The following ARHGEF28 variants were observed in gnomAD, a reference collection of about 807,000 sequenced individuals.
ARHGEF28 encodes the protein Rho guanine nucleotide exchange factor 28, also known as 190 kDa guanine nucleotide exchange factor.
Under a neutral mutation model 206.6 loss-of-function variants are expected in ARHGEF28, and 152 were observed. That is an observed-to-expected ratio of 0.74 (90% CI 0.64 to 0.84). The LOEUF (loss-of-function observed/expected upper bound fraction) is 0.84, where lower values mean the gene tolerates loss of function less well. Among genes scored for constraint, ARHGEF28 ranks in the 40% least tolerant of loss-of-function variants. The probability of loss-of-function intolerance (pLI) is 0.00; values close to 1 mark genes in which losing one functional copy is unlikely to be tolerated. For missense variants in ARHGEF28, 2,028 were observed against 2,073.2 expected, an observed-to-expected ratio of 0.98 and a Z score of 0.42; for synonymous variants, 763 against 776.4, an observed-to-expected ratio of 0.98 and a Z score of 0.29.
intron 1 of ARHGEF28, among the ~76,000 whole-genome samples, chr5:73,664,683 C>G: frequency 6.6e-6 from 1 of 152,126 alleles, no homozygotes; most frequent in East Asian, 1.9e-4. Context: ...TCTTGGAGTT[C>G]TCCAAGTTTC....
At chr5:73,887,383 C>G in intron 25 of ARHGEF28, 1 of 365,762 alleles carries the variant, frequency 2.7e-6, no homozygotes. Context: ...CTACATTAAA[C>G]TTTGCTGGAG....
chr5:73,918,552 T>G (rs1307743323), intron 35 of ARHGEF28, among the ~76,000 whole-genome samples: 2 of 152,250 alleles, frequency 1.3e-5, no homozygotes, highest in Non-Finnish European at 2.9e-5. Flanking sequence ...TGATGGTTAC[T>G]GTCTCTGTAA....
At chr5:73,677,786 C>T (rs1212949974) in intron 1 of ARHGEF28, among the ~76,000 whole-genome samples, 2 of 152,186 alleles carry the variant, frequency 1.3e-5, no homozygotes, top group Non-Finnish European at 2.9e-5. Context: ...TGGTGTCTGC[C>T]AGCAAATGTT....
At chr5:73,773,609 G>A (rs886317417) in intron 4 of ARHGEF28, among the ~76,000 whole-genome samples, 3 of 152,122 alleles carry the variant, frequency 2.0e-5, no homozygotes, top group Non-Finnish European at 1.5e-5. Flanking sequence ...TAGTGCAATG[G>A]GTGGAAAGAA....
chr5:73,695,687 A>T (rs1420679025), intron 2 of ARHGEF28, among the ~76,000 whole-genome samples: 3 of 152,056 alleles, frequency 2.0e-5, no homozygotes, highest in Non-Finnish European at 2.9e-5. Context: ...TTGATCAGTC[A>T]TCAAGACCTG....
intron 4 of ARHGEF28, among the ~76,000 whole-genome samples, chr5:73,757,750 G>C (rs998960603): frequency 6.6e-6 from 1 of 152,142 alleles, no homozygotes; most frequent in Admixed American, 6.5e-5. Flanking sequence ...ATAAAATTAA[G>C]ACCATTCCTT....
intron 1 of ARHGEF28, among the ~76,000 whole-genome samples, chr5:73,640,438 G>A (rs1377684014): frequency 6.6e-6 from 1 of 152,138 alleles, no homozygotes; most frequent in Non-Finnish European, 1.5e-5. Flanking sequence ...TAGTGCCAAA[G>A]GAAGTTTAAG....
chr5:73,811,320 T>C (rs1755823857), intron 9 of ARHGEF28, among the ~76,000 whole-genome samples: 1 of 152,240 alleles, frequency 6.6e-6, no homozygotes, highest in African/African-American at 2.4e-5. Context: ...TTTACAACTG[T>C]TGTGCTAAAT....
intron 11 of ARHGEF28, among the ~76,000 whole-genome samples, chr5:73,844,641 T>G (rs1291903722): frequency 1.1e-4 from 3 of 28,350 alleles, no homozygotes; most frequent in South Asian, 2.6e-3. Context: ...AAAGCCTATG[T>G]TTTTTTTTTT....
intron 7 of ARHGEF28, among the ~76,000 whole-genome samples, chr5:73,781,521 G>T (rs1028870828): frequency 1.3e-5 from 2 of 152,098 alleles, no homozygotes; most frequent in African/African-American, 4.8e-5. Flanking sequence ...TTCATTTGAG[G>T]TTACTTCTGC....
chr5:73,780,523 T>C, intron 6 of ARHGEF28, 153 bp from the exon 7 acceptor site: 1 of 714,810 alleles, frequency 1.4e-6, no homozygotes, highest in Non-Finnish European at 2.3e-6. Context: ...GGGTGCTGGC[T>C]ATATGTTCTC....
At chr5:73,919,873 A>G (rs440774) in intron 35 of ARHGEF28, among the ~76,000 whole-genome samples, 17,446 of 152,200 alleles carry the variant, frequency 0.11, 1,097 homozygotes, top group South Asian at 0.21. Flanking sequence ...TTTGAATTAT[A>G]TGGGGTAATA....
At chr5:73,698,290 A>G (rs1228651250) in intron 2 of ARHGEF28, among the ~76,000 whole-genome samples, 1 of 152,180 alleles carries the variant, frequency 6.6e-6, no homozygotes, top group African/African-American at 2.4e-5. Context: ...CTTACCCTGC[A>G]TAGAATACTT....
rs560682556 is a variant in ARHGEF28 at position 73,877,900 on chromosome 5, G to A, written c.2815-4572G>A. Among the ~76,000 whole-genome samples the A allele has an allele frequency of 5.1e-4, 77 of 152,304 alleles. 1 individual carries two copies. The highest frequency in any genetic ancestry group is 1.7e-3 in the African/African-American group (72 of 41,560). On this transcript the variant is annotated intron_variant, in intron 22 of 35. Transcript: ENST00000513042. ...GTGTGCTGAAAAAAATATATATTCT[G>A]TTGATTTGGGGTGGAGAGTTCTGTA...
chr5:73,668,390 C>A (rs1279662000), intron 1 of ARHGEF28, among the ~76,000 whole-genome samples: 1 of 152,162 alleles, frequency 6.6e-6, no homozygotes, highest in Non-Finnish European at 1.5e-5. Context: ...GCCTTTGTGC[C>A]ACACTATCCC....
chr5:73,665,685 A>G (rs1745906303), intron 1 of ARHGEF28, among the ~76,000 whole-genome samples: 1 of 151,916 alleles, frequency 6.6e-6, no homozygotes, highest in Non-Finnish European at 1.5e-5. Flanking sequence ...TTTATAACAA[A>G]CCCTCTCATG....
chr5:73,846,342 C>T lies in ARHGEF28; in HGVS notation c.1502C>T (p.Pro501Leu), dbSNP rs766044075. 2.5e-6 allele frequency: 4 copies of T among 1,613,778 alleles called. No individual in the cohort carries two copies. Among genetic ancestry groups the T allele is most frequent in the African/African-American group, 1.3e-5 (1 of 74,912 alleles). Residue 501 changes from proline to leucine, a missense_variant, in exon 12 of 36, where the codon CCA becomes CTA. Physicochemically the swap from Pro to Leu is moderately conservative, Grantham distance 98 (BLOSUM62 -3). Transcript: ENST00000513042. ...GAGCCATCCCACATCTGTTACACTCCAGGGTCTCAGAGCTCCTCAAGAACT... is the reference window on the plus strand; with the variant it reads ...GAGCCATCCCACATCTGTTACACTCTAGGGTCTCAGAGCTCCTCAAGAACT... ...HSEPSHICYTPGSQSSSRTGI... is the reference protein window; with the variant it reads ...HSEPSHICYTLGSQSSSRTGI...
intron 9 of ARHGEF28, among the ~76,000 whole-genome samples, chr5:73,799,738 C>T (rs1439184176): frequency 6.6e-6 from 1 of 152,150 alleles, no homozygotes; most frequent in African/African-American, 2.4e-5. Context: ...ACTGACATGT[C>T]AAAACAAGAA....
chr5:73,867,477 G>C (rs1411727119), intron 18 of ARHGEF28, among the ~76,000 whole-genome samples: 1 of 152,164 alleles, frequency 6.6e-6, no homozygotes, highest in Non-Finnish European at 1.5e-5. Context: ...TCTGTGTGTG[G>C]ATGCTTGTTT....
Sources: allele counts gnomAD v4.1 joint callset (sites outside exome capture counted in the v4.1 genomes callset), GRCh38; gene constraint gnomAD v4.1.1; transcripts MANE v1.5; gene names NCBI Gene and HGNC (gene_info 2026-07-23, HGNC 2026-07-21).